Variants in CLASP1 observed in about 807,000 individuals in gnomAD.
CLASP1 encodes CLIP-associating protein 1.
Under a neutral mutation model 192.3 loss-of-function variants are expected in CLASP1, and 38 were observed. The ratio of observed to expected loss-of-function variants is 0.20; its 90% confidence interval spans 0.15 to 0.26. The LOEUF (loss-of-function observed/expected upper bound fraction) is 0.26. CLASP1 is among the 10% of genes least tolerant of loss of function. CLASP1 has a pLI of 1.00. For missense variants in CLASP1, 1,433 were observed against 1,932.5 expected, an observed-to-expected ratio of 0.74 and a Z score of 4.85; for synonymous variants, 691 against 712.8, an observed-to-expected ratio of 0.97 and a Z score of 0.49.
intron 1 of CLASP1, among the ~76,000 whole-genome samples, chr2:121,607,904 C>G (rs1050036482): frequency 6.6e-6 from 1 of 152,144 alleles, no homozygotes; most frequent in African/African-American, 2.4e-5. Context: ...TCAAGTCATT[C>G]AATGAGGAAA....
chr2:121,595,238 T>C (rs2062993910), intron 2 of CLASP1, among the ~76,000 whole-genome samples: 1 of 152,230 alleles, frequency 6.6e-6, no homozygotes, highest in Non-Finnish European at 1.5e-5. Context: ...TTTCTAGTCA[T>C]GTAACCTCGG....
At chr2:121,457,012 C>A (rs1464418650) in intron 14 of CLASP1, among the ~76,000 whole-genome samples, 1 of 152,210 alleles carries the variant, frequency 6.6e-6, no homozygotes, top group Non-Finnish European at 1.5e-5. Flanking sequence ...TTAAAAGACT[C>A]TTAAAACACT....
chr2:121,648,505 A>AT (rs1362782315), intron 1 of CLASP1, among the ~76,000 whole-genome samples: 12 of 152,128 alleles, frequency 7.9e-5, no homozygotes, highest in African/African-American at 1.7e-4. Flanking sequence ...CTCCACATTA[A>AT]TTTTTTTTAA....
chr2:121,621,888 C>T (rs2067424968), intron 1 of CLASP1, among the ~76,000 whole-genome samples: 1 of 152,126 alleles, frequency 6.6e-6, no homozygotes, highest in Non-Finnish European at 1.5e-5. Context: ...CACTCTGTCA[C>T]CCAGGCTGGA....
At chr2:121,468,845 T>C (rs2090145610) in intron 9 of CLASP1, among the ~76,000 whole-genome samples, 1 of 152,152 alleles carries the variant, frequency 6.6e-6, no homozygotes, top group Admixed American at 6.5e-5. Flanking sequence ...GAGGCCTACT[T>C]CTGTCATTTC....
chr2:121,431,139 AAG>A (rs2081326586), intron 19 of CLASP1, among the ~76,000 whole-genome samples: 1 of 152,186 alleles, frequency 6.6e-6, no homozygotes, highest in South Asian at 2.1e-4. Flanking sequence ...GCTTACAGAG[AAG>A]TAATGCAGGA....
chr2:121,498,012 G>T (rs578241866), intron 8 of CLASP1, among the ~76,000 whole-genome samples: 1 of 151,506 alleles, frequency 6.6e-6, no homozygotes, highest in Non-Finnish European at 1.5e-5. Flanking sequence ...GGCGCACACC[G>T]CCACGCCCAG....
At chr2:121,404,540 C>A (rs772153410) in intron 25 of CLASP1, 106 bp from the exon 27 acceptor site, 1 of 1,011,166 alleles carries the variant, frequency 9.9e-7, no homozygotes, top group South Asian at 1.5e-5. Flanking sequence ...GATCATAGCT[C>A]ACTACAGCCT....
At chr2:121,448,248 A>C in intron 18 of CLASP1, 28 bp downstream of exon 18, 1 of 1,600,708 alleles carries the variant, frequency 6.2e-7, no homozygotes, top group South Asian at 1.1e-5. Flanking sequence ...AGCGGAGAAC[A>C]GGCCTTCTCC....
chr2:121,403,935 T>C (rs1256435912), intron 26 of CLASP1, among the ~76,000 whole-genome samples: 1 of 152,232 alleles, frequency 6.6e-6, no homozygotes, highest in African/African-American at 2.4e-5. Flanking sequence ...TTACATATTC[T>C]CATTTTTTCT....
chr2:121,561,638 A>C (rs1303809293), intron 2 of CLASP1, among the ~76,000 whole-genome samples: 1 of 152,230 alleles, frequency 6.6e-6, no homozygotes, highest in Non-Finnish European at 1.5e-5. Context: ...GTTTTAACAA[A>C]GTTTGTGAAT....
At chr2:121,352,331 C>T (rs78273459) in intron 37 of CLASP1, among the ~76,000 whole-genome samples, 5,551 of 152,342 alleles carry the variant, frequency 0.036, 150 homozygotes, top group East Asian at 0.13. Flanking sequence ...ACATGGACGG[C>T]ATTGACTCCA....
At chr2:121,618,692 A>T (rs1009196773) in intron 1 of CLASP1, among the ~76,000 whole-genome samples, 1 of 152,250 alleles carries the variant, frequency 6.6e-6, no homozygotes, top group African/African-American at 2.4e-5. Context: ...TAATATAAAA[A>T]GTGTTTCTAA....
chr2:121,634,991 C>T lies in CLASP1; in HGVS notation c.-286+14381G>A, dbSNP rs148999880. ...AGTTTGCATCCCTCCTTCCTACTCT[C>T]CCTGGCATAAATCATGCTTCCTACT... is the stretch of plus-strand genomic sequence containing the variant. On this transcript the variant is annotated intron_variant, in intron 1 of 39. Coordinates refer to ENST00000263710, the Ensembl canonical transcript of CLASP1. Among the ~76,000 whole-genome samples the T allele has an allele frequency of 2.0e-3, 311 of 152,254 alleles. 1 individual carries two copies. The highest frequency in any genetic ancestry group is 6.0e-3 in the African/African-American group (248 of 41,534).
At chr2:121,463,685 T>G (rs2088661790) in intron 9 of CLASP1, among the ~76,000 whole-genome samples, 1 of 152,082 alleles carries the variant, frequency 6.6e-6, no homozygotes, top group South Asian at 2.1e-4. Context: ...ATCAGGAAAT[T>G]CATGACTATG....
intron 2 of CLASP1, among the ~76,000 whole-genome samples, chr2:121,599,158 T>C (rs2105845859): frequency 6.6e-6 from 1 of 151,816 alleles, no homozygotes; most frequent in African/African-American, 2.4e-5. Context: ...TCACTATACC[T>C]GGCCGTATTT....
intron 8 of CLASP1, among the ~76,000 whole-genome samples, chr2:121,478,916 ACACACACAC>A (rs2092254430): frequency 3.0e-5 from 1 of 33,726 alleles, no homozygotes; most frequent in Non-Finnish European, 5.6e-5. Flanking sequence ...CACACACACC[ACACACACAC>A]CACACAACAC....
intron 32 of CLASP1, among the ~76,000 whole-genome samples, chr2:121,383,209 A>C (rs1458481361): frequency 6.6e-6 from 1 of 152,226 alleles, no homozygotes; most frequent in Non-Finnish European, 1.5e-5. Flanking sequence ...CATCAGTGCC[A>C]GGGTGCCTAC....
chr2:121,377,010 T>C (rs932594733), intron 34 of CLASP1, among the ~76,000 whole-genome samples: 2 of 152,164 alleles, frequency 1.3e-5, no homozygotes, highest in African/African-American at 4.8e-5. Flanking sequence ...GTAGTAACAA[T>C]AGAGATAAAG....
Sources: gnomAD v4.1 joint callset for allele counts (sites outside exome capture counted in the v4.1 genomes callset) on GRCh38, gnomAD v4.1.1 for gene constraint, MANE v1.5 for transcripts, NCBI Gene and HGNC (gene_info 2026-07-23, HGNC 2026-07-21) for gene names.